The following CHKB variants were observed in gnomAD, a reference collection of about 807,000 sequenced individuals.
The protein encoded by CHKB is choline kinase beta, also known as choline/ethanolamine kinase.
CHKB carries 45 observed loss-of-function variants against 57.3 expected under a neutral mutation model. The ratio of observed to expected loss-of-function variants is 0.79; its 90% CI spans 0.62 to 1.01. The LOEUF is 1.01. CHKB is among the 50% of genes least tolerant of loss of function. The pLI is 0.00. For synonymous variants in CHKB, 224 were observed against 201.8 expected, an observed-to-expected ratio of 1.11 and a Z score of -0.93; for missense variants, 517 against 502.8, an observed-to-expected ratio of 1.03 and a Z score of -0.27.
In CHKB at chr22:50,582,547, T is replaced by C. The variant is rs2070720329; in HGVS notation, c.224+11A>G. The C allele has an allele frequency of 2.5e-6, 4 of 1,603,632 alleles. No individual in the cohort carries two copies. The highest frequency in any genetic ancestry group is 2.2e-5 in the South Asian group (2 of 89,956). ...TCCGCGCACCGGAGAGGCTGACCCCTGACCTCCCACCTCACGGGGTAAACC... is the reference window on the plus strand; with the variant it reads ...TCCGCGCACCGGAGAGGCTGACCCCCGACCTCCCACCTCACGGGGTAAACC... On this transcript the variant is annotated intron_variant, in intron 1 of 10. Transcript: ENST00000406938.
At chr22:50,580,741 G>A (rs1291291588) in intron 4 of CHKB, 81 bp from the exon 5 acceptor site, 28 of 1,180,612 alleles carry the variant, frequency 2.4e-5, no homozygotes, top group Non-Finnish European at 3.5e-5. Context: ...CCAGACTACT[G>A]CACCCCTGCT....
Position 50,579,096 on chromosome 22 carries a change from C to G in CHKB, c.*85G>C, listed in dbSNP as rs1048502182. 29 of 1,347,732 alleles carry G rather than the reference C, an allele frequency of 2.2e-5. No homozygotes were observed. The highest frequency in any genetic ancestry group is 2.9e-5 in the African/African-American group (2 of 69,140). The allele number at this position is 1,347,732 out of a possible 1,614,324, so 83.5% of individuals were successfully genotyped here. A position where few individuals can be genotyped will look rare whatever the true frequency, so the allele number is the denominator to read the frequency against. On this transcript the variant is annotated 3_prime_UTR_variant, in exon 11 of 11. Coordinates refer to ENST00000406938, the MANE Select transcript of CHKB (RefSeq NM_005198.5). The stretch of plus-strand genomic sequence containing the variant: ...GTTTCACTTGGGGGCTCAGCCCAGT[C>G]GCCAGGGCCTTCTGCTCGTTGTTCC...
Position 50,580,840 on chromosome 22 carries a change from C to T in CHKB, c.582-180G>A, listed in dbSNP as rs188365266. On this transcript the variant is annotated intron_variant, in intron 4 of 10. Transcript: ENST00000406938. ...TGTCACCCAGGCTGGAGTGCAGTGG[C>T]GCGATCTTGGCTCACTGCAACCTCT... 1,100 of 630,774 alleles carry T rather than the reference C, an allele frequency of 1.7e-3. 6 individuals carry two copies. The highest frequency in any genetic ancestry group is 1.8e-3 in the South Asian group (105 of 58,046). 39.1% of individuals were successfully genotyped at this position (630,774 alleles called of 1,614,324 possible).
At chr22:50,582,501 G>A in intron 1 of CHKB, 57 bp downstream of exon 1, 1 of 1,541,094 alleles carries the variant, frequency 6.5e-7, no homozygotes. Context: ...TGAGGGCCCC[G>A]CGGCTGACCC....
Position 50,582,815 on chromosome 22 carries a change from C to A in CHKB, c.-34G>T, listed in dbSNP as rs1249202543. The A allele has an allele frequency of 6.5e-7, 1 of 1,527,930 alleles. No homozygotes were observed. Among genetic ancestry groups the A allele is most frequent in the African/African-American group, 1.4e-5 (1 of 71,896 alleles). 94.6% of individuals were successfully genotyped at this position (1,527,930 alleles called of 1,614,324 possible). A position where few individuals can be genotyped will look rare whatever the true frequency, so the allele number is the denominator to read the frequency against. On this transcript the variant is annotated 5_prime_UTR_variant, in exon 1 of 11. Coordinates refer to ENST00000406938, the MANE Select transcript of CHKB (RefSeq NM_005198.5). ...CTCGACCGGGCCCCAGGCCAGGCTG[C>A]GCTCCGCTCCCTTCGGACGGGCTCG...
chr22:50,580,255 GAGC>G lies in CHKB; in HGVS notation c.750_752del (p.Leu251del). On this transcript the variant is annotated inframe_deletion, in exon 7 of 11. Transcript: ENST00000406938. ...GGCTGTCAGCATTTTCTGGCTCTGA[GAGC>G]AGCAAGATGTTCCCTGGGGGAATGG... 3 of 1,614,014 alleles carry G rather than the reference GAGC, an allele frequency of 1.9e-6. No individual in the cohort carries two copies. The East Asian group carries it at 6.7e-5, about 36-fold the overall frequency.
chr22:50,580,761 G>T, intron 4 of CHKB, 101 bp from the exon 5 acceptor site: 1 of 990,456 alleles, frequency 1.0e-6, no homozygotes. Flanking sequence ...TCCTATCACT[G>T]TGTGACTTGT....
Position 50,579,267 on chromosome 22 carries a change from A to C in CHKB, c.1114-12T>G, listed in dbSNP as rs2070617128. The C allele has an allele frequency of 1.9e-6, 3 of 1,613,196 alleles. No homozygotes were observed. Among genetic ancestry groups the C allele is most frequent in the Middle Eastern group, 1.6e-4 (1 of 6,062 alleles). On this transcript the variant is annotated splice_polypyrimidine_tract_variant and intron_variant, in intron 10 of 10. Transcript: ENST00000406938. The stretch of plus-strand genomic sequence containing the variant: ...GACTGGGCATAGTCCTAGGGAAGGA[A>C]ACCCACCCCACACAGTGGTGAGAAG...
intron 2 of CHKB, 97 bp from the exon 3 acceptor site, chr22:50,581,959 C>T: frequency 9.2e-7 from 1 of 1,087,244 alleles, no homozygotes; most frequent in South Asian, 1.3e-5. Flanking sequence ...ACTTCTGATC[C>T]AATTGCCTGG....
rs2070616097 is a variant in CHKB, at chr22:50,579,244, C to A, written c.1125G>T (p.Gln375His). The A allele has an allele frequency of 1.2e-6, 2 of 1,613,814 alleles. No individual in the cohort carries two copies. Among genetic ancestry groups the A allele is most frequent in the East Asian group, 4.5e-5 (2 of 44,864 alleles). ...GCTGGAAGTAGAACTGGAACCGAGA[C>A]TGGGCATAGTCCTAGGGAAGGAAAC... ...TIEFGYLDYA[Q>H]SRFQFYFQQK... Residue 375 changes from glutamine (Q) to histidine (H), a missense_variant, in exon 11 of 11, where the codon CAG becomes CAT. Transcript: ENST00000406938.
chr22:50,579,178 G>A lies in CHKB; in HGVS notation c.*3C>T, dbSNP rs2070613027. On this transcript the variant is annotated 3_prime_UTR_variant, in exon 11 of 11. Transcript: ENST00000406938. ...GAGAAATCCAAGGAGTGGGAGGGTG[G>A]AGTCAGGATGAGGAGTGGACACTGG... is the stretch of plus-strand genomic sequence containing the variant. 6.2e-7 allele frequency: 1 copy of A among 1,613,106 alleles called. No homozygotes were observed. The highest frequency in any genetic ancestry group is 1.3e-5 in the African/African-American group (1 of 74,904).
chr22:50,582,527 G>A (rs546857626), intron 1 of CHKB, 31 bp downstream of exon 1: 55 of 1,584,280 alleles, frequency 3.5e-5, no homozygotes, highest in Non-Finnish European at 4.6e-5. Flanking sequence ...CCCGATCCGC[G>A]CACCGGAGAG....
chr22:50,581,705 G>C, intron 3 of CHKB, 44 bp downstream of exon 3: 1 of 1,587,114 alleles, frequency 6.3e-7, no homozygotes. Context: ...AGGGTTAGGG[G>C]GTGGAGGTGC....
At chr22:50,581,070 C>T (rs897257619) in intron 4 of CHKB, among the ~76,000 whole-genome samples, 27 of 152,050 alleles carry the variant, frequency 1.8e-4, no homozygotes, top group Middle Eastern at 3.4e-3. Context: ...CATGAGCCAC[C>T]GTGCCTGGCC....
rs1430129233 is a variant in CHKB, at chr22:50,579,230, A to T, written c.1139T>A (p.Phe380Tyr). ...CAGCTGCCCCTTCTGCTGGAAGTAG[A>T]ACTGGAACCGAGACTGGGCATAGTC... is the stretch of plus-strand genomic sequence containing the variant. ...YLDYAQSRFQ[F>Y]YFQQKGQLTS... The change falls in exon 11 of 11, where the codon TTC becomes TAC. Residue 380 changes from phenylalanine to tyrosine, a missense_variant. By Grantham distance (22) the Phe-to-Tyr change is conservative. Transcript: ENST00000406938. 1 of 1,613,714 alleles carries T rather than the reference A, an allele frequency of 6.2e-7. No homozygotes were observed. The highest frequency in any genetic ancestry group is 1.3e-5 in the African/African-American group (1 of 74,862).
chr22:50,581,970 A>T, intron 2 of CHKB, 108 bp from the exon 3 acceptor site: 2 of 973,760 alleles, frequency 2.1e-6, no homozygotes, highest in South Asian at 2.6e-5. Context: ...AATTGCCTGG[A>T]GGCTCTGGAG....
At position 50,580,008 on chromosome 22, in the gene CHKB, G is replaced by A. The variant is rs370202172; in HGVS notation, c.893C>T (p.Ala298Val). 1.9e-6 allele frequency: 3 copies of A among 1,614,046 alleles called. No individual in the cohort carries two copies. Among genetic ancestry groups the A allele is most frequent in the Non-Finnish European group, 2.5e-6 (3 of 1,180,006 alleles). Residue 298 changes from alanine (A) to valine (V), a missense_variant, in exon 8 of 11, where the codon GCA becomes GTA. Ala to Val is a moderately conservative substitution (Grantham distance 64). Coordinates refer to ENST00000406938, the MANE Select transcript of CHKB (RefSeq NM_005198.5). Reference protein sequence around the residue: ...YTHEEWPFYKARPTDYPTQEQ... With the variant: ...YTHEEWPFYKVRPTDYPTQEQ... ...TTGAGTGGGGTAGTCTGTGGGCCTT[G>A]CTTTGTAGAAAGGCCATTCCTCGTG...
Position 50,579,213 on chromosome 22 carries a change from C to G in CHKB, c.1156G>C (p.Gly386Arg), listed in dbSNP as rs1332052494. ...SRFQFYFQQK[G>R]QLTSVHSSS is the part of the protein sequence containing the mutation. ...GAGGAGTGGACACTGGTCAGCTGCC[C>G]CTTCTGCTGGAAGTAGAACTGGAAC... is the stretch of plus-strand genomic sequence containing the variant. The change falls in exon 11 of 11, where the codon GGG (glycine) becomes CGG (arginine). Residue 386 changes from glycine (G) to arginine (R), a missense_variant. Gly to Arg is a moderately radical substitution (Grantham distance 125). Coordinates refer to ENST00000406938, the MANE Select transcript of CHKB (RefSeq NM_005198.5). 2.5e-6 allele frequency: 4 copies of G among 1,613,904 alleles called. No individual in the cohort carries two copies. The highest frequency in any genetic ancestry group is 3.4e-6 in the Non-Finnish European group (4 of 1,179,916).
chr22:50,582,092 A>T (rs1256861760), intron 2 of CHKB, 157 bp downstream of exon 2: 6 of 825,274 alleles, frequency 7.3e-6, no homozygotes, highest in Non-Finnish European at 1.2e-5. Context: ...AGCCTCCCAA[A>T]GCTCTGGGAA....
Sources: gnomAD v4.1 joint callset for allele counts (sites outside exome capture counted in the v4.1 genomes callset) on GRCh38, gnomAD v4.1.1 for gene constraint, MANE v1.5 for transcripts, NCBI Gene and HGNC (gene_info 2026-07-23, HGNC 2026-07-21) for gene names.